Variants in FBXL17 observed in about 807,000 individuals in gnomAD.
FBXL17 encodes F-box/LRR-repeat protein 17.
Under a neutral mutation model 66.2 loss-of-function variants are expected in FBXL17, and 22 were observed. The ratio of observed to expected loss-of-function variants is 0.33; its 90% CI spans 0.24 to 0.47. The LOEUF is 0.47. Among genes scored for constraint, FBXL17 ranks in the 20% least tolerant of loss-of-function variants. FBXL17 has a pLI of 1.00. For synonymous variants in FBXL17, 474 were observed against 400.5 expected, an observed-to-expected ratio of 1.18 and a Z score of -2.19; for missense variants, 878 against 948.2, an observed-to-expected ratio of 0.93 and a Z score of 0.97.
At chr5:108,060,172 G>GTA (rs917553310) in intron 6 of FBXL17, among the ~76,000 whole-genome samples, 167 of 144,768 alleles carry the variant, frequency 1.2e-3, no homozygotes, top group African/African-American at 2.6e-3. Flanking sequence ...CCACATATGT[G>GTA]TACATATATA....
intron 1 of FBXL17, among the ~76,000 whole-genome samples, chr5:108,375,182 T>A (rs573403702): frequency 1.3e-5 from 2 of 152,234 alleles, no homozygotes; most frequent in South Asian, 4.1e-4. Flanking sequence ...AGCAAGACCC[T>A]GTCTCTACAA....
At chr5:108,093,703 G>C (rs968206040) in intron 6 of FBXL17, among the ~76,000 whole-genome samples, 5 of 152,154 alleles carry the variant, frequency 3.3e-5, no homozygotes, top group African/African-American at 9.6e-5. Context: ...TATCGGCAAA[G>C]ATTATACGCA....
intron 6 of FBXL17, among the ~76,000 whole-genome samples, chr5:108,177,082 A>G (rs535811378): frequency 1.6e-4 from 25 of 152,320 alleles, no homozygotes; most frequent in African/African-American, 5.8e-4. Flanking sequence ...GCAATGGTTA[A>G]GTATTCGCTA....
intron 6 of FBXL17, among the ~76,000 whole-genome samples, chr5:108,077,156 C>G (rs1748585166): frequency 6.6e-6 from 1 of 152,204 alleles, no homozygotes. Context: ...CCTAGCCTCA[C>G]TGATATCAAA....
intron 7 of FBXL17, among the ~76,000 whole-genome samples, chr5:107,930,765 C>T (rs1350205845): frequency 6.6e-6 from 1 of 152,112 alleles, no homozygotes. Context: ...GTAATTATGA[C>T]CTACAGGACA....
chr5:108,237,381 T>C (rs1461744742), intron 4 of FBXL17, among the ~76,000 whole-genome samples: 1 of 152,182 alleles, frequency 6.6e-6, no homozygotes, highest in Admixed American at 6.5e-5. Context: ...GGGAATATTT[T>C]AATCTGCAGC....
chr5:107,974,483 C>A (rs1040749657), intron 7 of FBXL17, among the ~76,000 whole-genome samples: 11 of 152,058 alleles, frequency 7.2e-5, no homozygotes, highest in African/African-American at 2.7e-4. Flanking sequence ...AATTTCCACT[C>A]AAAAATGTGA....
chr5:107,945,712 G>C (rs1474141313), intron 7 of FBXL17, among the ~76,000 whole-genome samples: 1 of 152,150 alleles, frequency 6.6e-6, no homozygotes, highest in Non-Finnish European at 1.5e-5. Flanking sequence ...ATGAAGCAAA[G>C]GTATCAAGAT....
intron 7 of FBXL17, among the ~76,000 whole-genome samples, chr5:107,967,702 AAAC>A (rs1197562836): frequency 2.0e-5 from 3 of 152,234 alleles, no homozygotes; most frequent in Non-Finnish European, 4.4e-5. Flanking sequence ...AATAGGAAAA[AAAC>A]AACATTTTCA....
chr5:108,048,089 G>C (rs767090678), intron 6 of FBXL17, among the ~76,000 whole-genome samples: 3 of 152,226 alleles, frequency 2.0e-5, no homozygotes, highest in Non-Finnish European at 4.4e-5. Flanking sequence ...AGAGGAAGGA[G>C]CAGGCAGCCA....
intron 4 of FBXL17, among the ~76,000 whole-genome samples, chr5:108,259,314 A>T (rs1195690704): frequency 6.6e-6 from 1 of 152,222 alleles, no homozygotes; most frequent in African/African-American, 2.4e-5. Context: ...TAAAAGTTCT[A>T]AAAAGCTAAA....
At chr5:108,120,024 T>A (rs1359116023) in intron 6 of FBXL17, among the ~76,000 whole-genome samples, 1 of 152,216 alleles carries the variant, frequency 6.6e-6, no homozygotes, top group Non-Finnish European at 1.5e-5. Context: ...GCTCTTTGTG[T>A]TGGTCTACAA....
At chr5:108,217,729 T>C (rs1051565499) in intron 5 of FBXL17, among the ~76,000 whole-genome samples, 7 of 152,196 alleles carry the variant, frequency 4.6e-5, no homozygotes, top group African/African-American at 1.7e-4. Context: ...AACTTACTCT[T>C]GCTGCCTAAC....
At chr5:108,285,995 G>T (rs1757884245) in intron 4 of FBXL17, among the ~76,000 whole-genome samples, 1 of 151,760 alleles carries the variant, frequency 6.6e-6, no homozygotes. Context: ...CGACATGCAT[G>T]TCAATAAATG....
At chr5:108,239,735 C>A (rs1755770276) in intron 4 of FBXL17, among the ~76,000 whole-genome samples, 1 of 152,002 alleles carries the variant, frequency 6.6e-6, no homozygotes, top group Non-Finnish European at 1.5e-5. Flanking sequence ...GCTGGGGGAC[C>A]AAGGGAGTGC....
chr5:108,222,141 T>C (rs1161876186), intron 5 of FBXL17, among the ~76,000 whole-genome samples: 1 of 152,240 alleles, frequency 6.6e-6, no homozygotes, highest in African/African-American at 2.4e-5. Context: ...CTGTGTTTTA[T>C]CACAGAGAAT....
At position 107,994,154 on chromosome 5, in the gene FBXL17, T is replaced by C. The variant is rs143462155; in HGVS notation, c.1822+26771A>G. On this transcript the variant is annotated intron_variant, in intron 7 of 8. Coordinates refer to ENST00000542267, the MANE Select transcript of FBXL17 (RefSeq NM_001163315.3). ...ATATTGATTCATAAAGCCAGATTAT[T>C]TCCTCTACCATTCTAGGAAGTTTCT... 1.4e-4 allele frequency among the ~76,000 whole-genome samples: 21 copies of C among 152,312 alleles called. No individual in the cohort carries two copies. In the East Asian group the frequency reaches 3.7e-3, roughly 27 times the overall value.
intron 5 of FBXL17, among the ~76,000 whole-genome samples, chr5:108,193,658 T>C (rs1753561081): frequency 6.6e-6 from 1 of 152,154 alleles, no homozygotes; most frequent in Non-Finnish European, 1.5e-5. Flanking sequence ...AGGCAAATCC[T>C]TCCCAGCATC....
intron 7 of FBXL17, among the ~76,000 whole-genome samples, chr5:107,881,628 A>G (rs1456324318): frequency 6.6e-6 from 1 of 152,198 alleles, no homozygotes; most frequent in Non-Finnish European, 1.5e-5. Flanking sequence ...ACCAATTGGC[A>G]TAATTTTTTC....
Sources: gnomAD v4.1 joint callset for allele counts (sites outside exome capture counted in the v4.1 genomes callset) on GRCh38, gnomAD v4.1.1 for gene constraint, MANE v1.5 for transcripts, NCBI Gene and HGNC (gene_info 2026-07-23, HGNC 2026-07-21) for gene names.